The following XKR6 variants were observed in gnomAD, a reference collection of about 807,000 sequenced individuals.
XKR6 encodes the protein XK related 6, also known as XK-related protein 6.
Under a neutral mutation model 56.7 loss-of-function variants are expected in XKR6, and 22 were observed. The ratio of observed to expected loss-of-function variants is 0.39; its 90% CI spans 0.28 to 0.55. The LOEUF (loss-of-function observed/expected upper bound fraction) is 0.55. Among genes scored for constraint, XKR6 ranks in the 20% least tolerant of loss-of-function variants. The pLI is 0.66. For synonymous variants in XKR6, 524 were observed against 387.8 expected, an observed-to-expected ratio of 1.35 and a Z score of -4.13; for missense variants, 852 against 889.0, an observed-to-expected ratio of 0.96 and a Z score of 0.53.
chr8:11,130,236 T>C (rs1038205677), intron 1 of XKR6, among the ~76,000 whole-genome samples: 4 of 152,050 alleles, frequency 2.6e-5, no homozygotes, highest in Non-Finnish European at 4.4e-5. Context: ...TACAGTTTAA[T>C]TTTTTTTAAT....
chr8:10,919,454 G>A (rs1449970612), intron 2 of XKR6, among the ~76,000 whole-genome samples: 1 of 152,220 alleles, frequency 6.6e-6, no homozygotes, highest in African/African-American at 2.4e-5. Flanking sequence ...GATTATGCCT[G>A]TTATGCTCCC....
chr8:11,116,415 G>C (rs933850028), intron 1 of XKR6, among the ~76,000 whole-genome samples: 2 of 152,080 alleles, frequency 1.3e-5, no homozygotes, highest in African/African-American at 2.4e-5. Flanking sequence ...CTGTTATGCA[G>C]GCTGGAATGC....
At chr8:11,176,145 A>T (rs1772129456) in intron 1 of XKR6, among the ~76,000 whole-genome samples, 2 of 152,230 alleles carry the variant, frequency 1.3e-5, no homozygotes, top group Admixed American at 1.3e-4. Flanking sequence ...TAGCATCTTT[A>T]AAACACCTTT....
At chr8:10,983,002 A>G (rs1261446112) in intron 1 of XKR6, among the ~76,000 whole-genome samples, 1 of 152,242 alleles carries the variant, frequency 6.6e-6, no homozygotes, top group Non-Finnish European at 1.5e-5. Context: ...ATGAAGGCCC[A>G]TACCAATTAA....
chr8:11,144,185 G>T (rs1800857732), intron 1 of XKR6, among the ~76,000 whole-genome samples: 1 of 148,494 alleles, frequency 6.7e-6, no homozygotes, highest in South Asian at 2.2e-4. Flanking sequence ...CATAAACGCT[G>T]TATATATTTA....
At chr8:11,106,111 G>T (rs1798666033) in intron 1 of XKR6, 1 of 152,156 alleles carries the variant, frequency 6.6e-6, no homozygotes, top group South Asian at 2.1e-4. Context: ...TACTTTCAGT[G>T]TGTCAGGGAA....
chr8:10,978,656 T>A (rs1797650702), intron 1 of XKR6, among the ~76,000 whole-genome samples: 2 of 152,250 alleles, frequency 1.3e-5, no homozygotes, highest in Non-Finnish European at 2.9e-5. Context: ...GAAATGAGCT[T>A]CCTCCAGCTT....
At chr8:11,122,080 T>G (rs922659709) in intron 1 of XKR6, among the ~76,000 whole-genome samples, 1 of 152,212 alleles carries the variant, frequency 6.6e-6, no homozygotes, top group African/African-American at 2.4e-5. Context: ...TGATAATCAA[T>G]TGTTTTTCAT....
intron 1 of XKR6, among the ~76,000 whole-genome samples, chr8:10,956,830 A>T (rs1312163720): frequency 6.6e-6 from 1 of 152,224 alleles, no homozygotes; most frequent in African/African-American, 2.4e-5. Context: ...AGCTTCTCAG[A>T]TACAGGTAAG....
intron 1 of XKR6, among the ~76,000 whole-genome samples, chr8:11,107,365 G>GAT (rs1264027531): frequency 6.6e-6 from 1 of 151,926 alleles, no homozygotes; most frequent in Non-Finnish European, 1.5e-5. Flanking sequence ...ATGCCCAGCT[G>GAT]ATTTTTTTTA....
At chr8:10,974,991 C>T (rs1802510053) in intron 1 of XKR6, among the ~76,000 whole-genome samples, 1 of 152,084 alleles carries the variant, frequency 6.6e-6, no homozygotes, top group East Asian at 1.9e-4. Flanking sequence ...TTTTACCAAG[C>T]TTTTTTTTAA....
At chr8:10,928,466 G>A (rs923503386) in intron 1 of XKR6, among the ~76,000 whole-genome samples, 4 of 152,232 alleles carry the variant, frequency 2.6e-5, no homozygotes, top group Non-Finnish European at 4.4e-5. Flanking sequence ...TAAACCCCTG[G>A]GCCAGCGCTG....
At chr8:11,022,270 C>T (rs1004402155) in intron 1 of XKR6, among the ~76,000 whole-genome samples, 1 of 151,886 alleles carries the variant, frequency 6.6e-6, no homozygotes, top group African/African-American at 2.4e-5. Context: ...CCTTAGCATC[C>T]CTGGGAAAGG....
At chr8:10,947,354 G>A (rs1447394066) in intron 1 of XKR6, among the ~76,000 whole-genome samples, 3 of 152,176 alleles carry the variant, frequency 2.0e-5, no homozygotes, top group African/African-American at 7.2e-5. Flanking sequence ...GAGCCCATGT[G>A]CGTGTCTCTA....
chr8:10,992,772 T>C (rs560879646), intron 1 of XKR6, among the ~76,000 whole-genome samples: 1 of 152,210 alleles, frequency 6.6e-6, no homozygotes, highest in South Asian at 2.1e-4. Flanking sequence ...AAGAGACAAG[T>C]GATGCTGCAA....
intron 1 of XKR6, among the ~76,000 whole-genome samples, chr8:10,980,601 G>A (rs564690782): frequency 6.6e-6 from 1 of 152,180 alleles, no homozygotes; most frequent in African/African-American, 2.4e-5. Flanking sequence ...CATGGATTAG[G>A]ACTGATGGAT....
At chr8:11,195,815 A>G (rs1408119289) in intron 1 of XKR6, among the ~76,000 whole-genome samples, 1 of 150,586 alleles carries the variant, frequency 6.6e-6, no homozygotes, top group African/African-American at 2.4e-5. Context: ...CGCCCGGCTA[A>G]TTTTTTTTTG....
intron 1 of XKR6, among the ~76,000 whole-genome samples, chr8:11,031,643 C>T (rs1798995851): frequency 6.6e-6 from 1 of 152,166 alleles, no homozygotes; most frequent in Non-Finnish European, 1.5e-5. Context: ...GAATGGAGAG[C>T]AAATGGGTTT....
chr8:10,916,430 C>G (rs1414632305), intron 2 of XKR6, among the ~76,000 whole-genome samples: 4 of 152,120 alleles, frequency 2.6e-5, no homozygotes, highest in Admixed American at 1.3e-4. Context: ...AGCTAATGTC[C>G]CATATGAACA....
Sources: gnomAD v4.1 joint callset for allele counts (sites outside exome capture counted in the v4.1 genomes callset) on GRCh38, gnomAD v4.1.1 for gene constraint, MANE v1.5 for transcripts, NCBI Gene and HGNC (gene_info 2026-07-23, HGNC 2026-07-21) for gene names.